OOSP3: variants seen among roughly 807,000 people sequenced by gnomAD.
The protein encoded by OOSP3 is oocyte-secreted protein 3.
chr11:59,878,918 T>C (rs185443741), intron 1 of OOSP3, 37 bp downstream of exon 1: 70 of 398,442 alleles, frequency 1.8e-4, no homozygotes, highest in African/African-American at 1.4e-3. Context: ...TTTGAAGTCA[T>C]AGTTTCTTAG....
At chr11:59,886,263 A>G (rs962128548) in intron 2 of OOSP3, among the ~76,000 whole-genome samples, 1 of 152,164 alleles carries the variant, frequency 6.6e-6, no homozygotes, top group Non-Finnish European at 1.5e-5. Context: ...CATGGTATGT[A>G]TGTACCACAT....
intron 2 of OOSP3, among the ~76,000 whole-genome samples, chr11:59,891,654 G>A (rs1181028533): frequency 6.6e-6 from 1 of 152,192 alleles, no homozygotes; most frequent in Non-Finnish European, 1.5e-5. Flanking sequence ...CCCAGGGGAG[G>A]ACCGACCAGA....
intron 1 of OOSP3, among the ~76,000 whole-genome samples, chr11:59,879,841 G>T (rs1306014727): frequency 2.0e-5 from 3 of 152,050 alleles, no homozygotes; most frequent in Admixed American, 1.3e-4. Flanking sequence ...GTAGATGTCT[G>T]CCAGGGATGA....
At chr11:59,884,475 G>GTCTGTCTC (rs1293196028) in intron 2 of OOSP3, among the ~76,000 whole-genome samples, 3 of 113,834 alleles carry the variant, frequency 2.6e-5, no homozygotes, top group African/African-American at 7.2e-5. Context: ...CTGTCTGTCT[G>GTCTGTCTC]TCTCTCTCTC....
chr11:59,881,262 G>T (rs1338912133), intron 2 of OOSP3, among the ~76,000 whole-genome samples: 1 of 152,094 alleles, frequency 6.6e-6, no homozygotes, highest in Non-Finnish European at 1.5e-5. Context: ...CTGCTCAGGA[G>T]GCTGAGGCAG....
chr11:59,895,927 G>A (rs1447201913), intron 4 of OOSP3, among the ~76,000 whole-genome samples: 1 of 152,148 alleles, frequency 6.6e-6, no homozygotes, highest in African/African-American at 2.4e-5. Context: ...AACATAATCT[G>A]AGTTGATAAA....
intron 2 of OOSP3, 139 bp downstream of exon 2, chr11:59,880,578 G>A: frequency 2.5e-6 from 1 of 395,610 alleles, no homozygotes; most frequent in East Asian, 3.6e-5. Flanking sequence ...AGGAAGACCA[G>A]TGGGTACCTT....
At chr11:59,884,615 T>C (rs2169464) in intron 2 of OOSP3, among the ~76,000 whole-genome samples, 1,981 of 152,014 alleles carry the variant, frequency 0.013, 75 homozygotes, top group East Asian at 0.11. Context: ...TTCTGCTGCC[T>C]CAAGGCTCCC....
At chr11:59,884,987 A>G (rs994995996) in intron 2 of OOSP3, among the ~76,000 whole-genome samples, 8 of 152,234 alleles carry the variant, frequency 5.3e-5, no homozygotes, top group Non-Finnish European at 1.0e-4. Flanking sequence ...TTTCATTGTT[A>G]AATATGATGT....
chr11:59,880,182 T>C (rs531933425), intron 1 of OOSP3, 79 bp from the exon 2 acceptor site: 65 of 397,390 alleles, frequency 1.6e-4, no homozygotes, highest in African/African-American at 1.1e-3. Context: ...TGTTTAAATA[T>C]GCTATGTTCA....
intron 2 of OOSP3, among the ~76,000 whole-genome samples, chr11:59,891,631 C>T (rs1253231650): frequency 1.3e-5 from 2 of 152,336 alleles, no homozygotes; most frequent in East Asian, 3.9e-4. Flanking sequence ...GTGCCTTCCT[C>T]TGGGAGCTTT....
At chr11:59,880,330 T>A (rs1331028555) in exon 2 of OOSP3, 2 of 398,482 alleles carry the variant, frequency 5.0e-6, no homozygotes, top group African/African-American at 4.1e-5. Context: ...CAAGATCATA[T>A]TTTGCATTCT....
chr11:59,879,666 G>A (rs1363971666), intron 1 of OOSP3, among the ~76,000 whole-genome samples: 1 of 152,148 alleles, frequency 6.6e-6, no homozygotes, highest in Non-Finnish European at 1.5e-5. Flanking sequence ...TGAATGTTTT[G>A]AGTTGACAGA....
At chr11:59,893,281 T>C (rs1369348176) in intron 2 of OOSP3, among the ~76,000 whole-genome samples, 1 of 152,228 alleles carries the variant, frequency 6.6e-6, no homozygotes, top group East Asian at 1.9e-4. Context: ...AAATTATCAA[T>C]AGAAAAACAT....
intron 2 of OOSP3, among the ~76,000 whole-genome samples, chr11:59,890,027 G>T (rs928312588): frequency 1.6e-4 from 24 of 152,096 alleles, no homozygotes; most frequent in African/African-American, 5.6e-4. Context: ...CCTTTACCAT[G>T]TAATGACCTT....
chr11:59,884,475 GTCTCTCTCTCTCTCTCTCTCTC>G (rs60145654), intron 2 of OOSP3, among the ~76,000 whole-genome samples: 3 of 113,878 alleles, frequency 2.6e-5, no homozygotes, highest in African/African-American at 3.6e-5. Flanking sequence ...CTGTCTGTCT[GTCTCTCTCTCTCTCTCTCTCTC>G]TCTCTCTCTC....
In OOSP3 at chr11:59,894,189, A is replaced by G. The variant is rs1158207811; in HGVS notation, c.350+13A>G. 1 of 398,424 alleles carries G rather than the reference A, an allele frequency of 2.5e-6. No individual in the cohort carries two copies. Among genetic ancestry groups the G allele is most frequent in the Non-Finnish European group, 4.4e-6 (1 of 226,042 alleles). The allele number at this position is 398,424 out of a possible 1,614,324, so 24.7% of individuals were successfully genotyped here. A position where few individuals can be genotyped will look rare whatever the true frequency, so the allele number is the denominator to read the frequency against. On this transcript the variant is annotated intron_variant, in intron 3 of 4. Transcript: ENST00000646438. ...GTATTGTATATGGGTGAGTATAATGAACCAGATGGTTCACAGTTTACCCTC... is the reference window on the plus strand; with the variant it reads ...GTATTGTATATGGGTGAGTATAATGGACCAGATGGTTCACAGTTTACCCTC...
At chr11:59,883,591 T>C (rs879565800) in intron 2 of OOSP3, among the ~76,000 whole-genome samples, 4 of 152,242 alleles carry the variant, frequency 2.6e-5, no homozygotes, top group African/African-American at 4.8e-5. Flanking sequence ...ATTTGAGAAC[T>C]ATAATTGTGT....
At chr11:59,880,896 A>G (rs1453507621) in intron 2 of OOSP3, among the ~76,000 whole-genome samples, 1 of 152,246 alleles carries the variant, frequency 6.6e-6, no homozygotes, top group Admixed American at 6.5e-5. Flanking sequence ...TACCAGAGGT[A>G]GAATTCACTA....
Sources: gnomAD v4.1 joint callset for allele counts (sites outside exome capture counted in the v4.1 genomes callset) on GRCh38, gnomAD v4.1.1 for gene constraint, MANE v1.5 for transcripts, NCBI Gene and HGNC (gene_info 2026-07-23, HGNC 2026-07-21) for gene names.